The following SYT1 variants were observed in gnomAD, a reference collection of about 807,000 sequenced individuals.
SYT1 encodes synaptotagmin-1.
A neutral mutation model predicts 44.8 loss-of-function variants in SYT1; 8 were observed. The ratio of observed to expected loss-of-function variants is 0.18; its 90% confidence interval spans 0.10 to 0.32. The LOEUF (loss-of-function observed/expected upper bound fraction) is 0.32, where lower values mean the gene tolerates loss of function less well. Among genes scored for constraint, SYT1 ranks in the 10% least tolerant of loss-of-function variants. SYT1 has a pLI of 1.00. For synonymous variants in SYT1, 154 were observed against 188.8 expected (o/e 0.82, Z 1.51); for missense variants, 286 against 509.3 (o/e 0.56, Z 4.22).
intron 4 of SYT1, among the ~76,000 whole-genome samples, chr12:79,220,853 G>A (rs79456383): frequency 2.5e-4 from 38 of 152,128 alleles, no homozygotes; most frequent in Admixed American, 1.6e-3. Flanking sequence ...CCTCACATAC[G>A]ATCTATTCTG....
chr12:78,992,635 G>A (rs1331237026), intron 2 of SYT1, among the ~76,000 whole-genome samples: 2 of 152,068 alleles, frequency 1.3e-5, no homozygotes, highest in Admixed American at 1.3e-4. Flanking sequence ...CTACAGAATT[G>A]GACCATCTAG....
At chr12:79,297,718 T>C (rs553238592) in intron 7 of SYT1, among the ~76,000 whole-genome samples, 58 of 152,150 alleles carry the variant, frequency 3.8e-4, no homozygotes, top group Non-Finnish European at 7.1e-4. Context: ...ACTTCAATTT[T>C]TCTAGAGAAC....
At chr12:79,080,185 C>A (rs1239433253) in intron 3 of SYT1, among the ~76,000 whole-genome samples, 2 of 151,948 alleles carry the variant, frequency 1.3e-5, no homozygotes, top group Admixed American at 1.3e-4. Flanking sequence ...AGGAAAACAG[C>A]CTGAGGATTT....
chr12:79,267,739 G>A (rs1023203068), intron 4 of SYT1, among the ~76,000 whole-genome samples: 6 of 152,092 alleles, frequency 3.9e-5, no homozygotes, highest in Admixed American at 6.6e-5. Flanking sequence ...CATCCTTTAC[G>A]TTTACCAGCG....
intron 9 of SYT1, among the ~76,000 whole-genome samples, chr12:79,364,386 T>G (rs1228122264): frequency 6.6e-6 from 1 of 152,180 alleles, no homozygotes; most frequent in Non-Finnish European, 1.5e-5. Context: ...AATGATCCCT[T>G]GGTCACCTTT....
At chr12:78,886,780 C>T (rs1464218497) in intron 1 of SYT1, among the ~76,000 whole-genome samples, 24 of 151,942 alleles carry the variant, frequency 1.6e-4, no homozygotes, top group South Asian at 2.1e-4. Context: ...TATGATAGTG[C>T]GTTATTTATT....
At chr12:79,072,222 A>G (rs533527067) in intron 3 of SYT1, among the ~76,000 whole-genome samples, 12 of 152,268 alleles carry the variant, frequency 7.9e-5, no homozygotes, top group South Asian at 6.2e-4. Context: ...AAAAAGAGCA[A>G]CAACACTCTA....
At chr12:79,049,101 G>A (rs1874281648) in intron 3 of SYT1, among the ~76,000 whole-genome samples, 1 of 151,708 alleles carries the variant, frequency 6.6e-6, no homozygotes, top group Non-Finnish European at 1.5e-5. Context: ...CAATTTCTCG[G>A]CCCTCTGAGT....
intron 9 of SYT1, among the ~76,000 whole-genome samples, chr12:79,433,656 C>G (rs544984640): frequency 4.6e-5 from 7 of 152,288 alleles, no homozygotes; most frequent in Admixed American, 3.3e-4. Flanking sequence ...CTCATACAAA[C>G]AGTTTATCCT....
At chr12:79,123,297 T>C (rs1868309877) in intron 3 of SYT1, among the ~76,000 whole-genome samples, 1 of 134,512 alleles carries the variant, frequency 7.4e-6, no homozygotes, top group African/African-American at 2.9e-5. Flanking sequence ...TACATGTATC[T>C]CTAAAAATGC....
At chr12:78,960,164 C>A (rs1375313829) in intron 1 of SYT1, 2 of 152,046 alleles carry the variant, frequency 1.3e-5, no homozygotes, top group Admixed American at 6.6e-5. Flanking sequence ...GTTATGCTGG[C>A]TTTTGTTTTA....
intron 1 of SYT1, among the ~76,000 whole-genome samples, chr12:78,928,573 G>T (rs1242107432): frequency 1.3e-5 from 2 of 151,768 alleles, no homozygotes; most frequent in Non-Finnish European, 2.9e-5. Context: ...CATTACTATT[G>T]TGCTTTGGGG....
intron 3 of SYT1, among the ~76,000 whole-genome samples, chr12:79,062,567 T>G (rs1875471098): frequency 6.6e-6 from 1 of 152,152 alleles, no homozygotes; most frequent in Non-Finnish European, 1.5e-5. Context: ...TTTTATTCTT[T>G]CAGACATTCC....
chr12:79,281,190 C>T (rs1443922636), intron 4 of SYT1, among the ~76,000 whole-genome samples: 1 of 152,042 alleles, frequency 6.6e-6, no homozygotes, highest in Non-Finnish European at 1.5e-5. Context: ...ATCAAAAAGA[C>T]ACCTGCACTT....
chr12:78,868,102 G>C (rs998598551), intron 1 of SYT1, among the ~76,000 whole-genome samples: 42 of 151,794 alleles, frequency 2.8e-4, no homozygotes, highest in African/African-American at 8.2e-4. Context: ...ACAATTATAC[G>C]AGCCTGAAAT....
Position 79,449,188 on chromosome 12 carries a change from C to T in SYT1, c.*64C>T, listed in dbSNP as rs1870904162. On this transcript the variant is annotated 3_prime_UTR_variant, in exon 11 of 11. Transcript: ENST00000261205. ...CTCTTTAGCCAGTATCTGTAAATAC[C>T]TCAGTAATATGGGTCCTTTCATTTT... 5.4e-6 allele frequency: 8 copies of T among 1,487,412 alleles called. No individual in the cohort carries two copies. Among genetic ancestry groups the T allele is most frequent in the African/African-American group, 1.4e-5 (1 of 71,726 alleles). The allele number at this position is 1,487,412 out of a possible 1,614,324, so 92.1% of individuals were successfully genotyped here.
chr12:79,428,376 G>A (rs558858231), intron 9 of SYT1, among the ~76,000 whole-genome samples: 2 of 152,240 alleles, frequency 1.3e-5, no homozygotes, highest in Middle Eastern at 6.8e-3. Flanking sequence ...CTGTATTCTA[G>A]ATGATGCTCT....
intron 4 of SYT1, among the ~76,000 whole-genome samples, chr12:79,218,323 G>T (rs1032186560): frequency 6.6e-6 from 1 of 152,142 alleles, no homozygotes; most frequent in Non-Finnish European, 1.5e-5. Context: ...CCAGAAAAAT[G>T]TTGAGAGTGA....
At chr12:78,886,235 TC>T (rs1273312708) in intron 1 of SYT1, among the ~76,000 whole-genome samples, 5 of 152,090 alleles carry the variant, frequency 3.3e-5, no homozygotes, top group Non-Finnish European at 7.4e-5. Context: ...TTCACAAACG[TC>T]AGAGAATGAG....
Sources: allele counts gnomAD v4.1 joint callset (sites outside exome capture counted in the v4.1 genomes callset), GRCh38; gene constraint gnomAD v4.1.1; transcripts MANE v1.5; gene names NCBI Gene and HGNC (gene_info 2026-07-23, HGNC 2026-07-21).